JADE2: variants seen among roughly 807,000 people sequenced by gnomAD.
The protein encoded by JADE2 is E3 ubiquitin-protein ligase Jade-2.
In JADE2, 13 loss-of-function variants were observed where a neutral mutation model predicts 85.7. The ratio of observed to expected loss-of-function variants is 0.15; its 90% confidence interval spans 0.10 to 0.24. The LOEUF (loss-of-function observed/expected upper bound fraction) is 0.24, where lower values mean the gene tolerates loss of function less well. Among genes scored for constraint, JADE2 ranks in the 10% least tolerant of loss-of-function variants. The probability of loss-of-function intolerance (pLI) is 1.00; values close to 1 mark genes in which losing one functional copy is unlikely to be tolerated. For missense variants in JADE2, 846 were observed against 1,115.9 expected (o/e 0.76, Z 3.45); for synonymous variants, 440 against 456.1 (o/e 0.96, Z 0.45).
intron 8 of JADE2, among the ~76,000 whole-genome samples, chr5:134,565,748 G>A (rs1443285290): frequency 6.6e-6 from 1 of 151,280 alleles, no homozygotes; most frequent in East Asian, 1.9e-4. Flanking sequence ...CAGGAGAATC[G>A]CTTGAACCTG....
At chr5:134,534,139 G>A (rs1164412450) in intron 1 of JADE2, among the ~76,000 whole-genome samples, 1 of 152,138 alleles carries the variant, frequency 6.6e-6, no homozygotes, top group Non-Finnish European at 1.5e-5. Flanking sequence ...CAAGAGCACG[G>A]TCTCCTGAAT....
chr5:134,524,629 C>G (rs1044637971), upstream of JADE2, among the ~76,000 whole-genome samples: 3 of 152,196 alleles, frequency 2.0e-5, no homozygotes, highest in Admixed American at 2.0e-4. Context: ...TGTGCAACCA[C>G]CCACCCACCC....
At chr5:134,569,317 G>A (rs576417703) in intron 9 of JADE2, among the ~76,000 whole-genome samples, 1 of 152,208 alleles carries the variant, frequency 6.6e-6, no homozygotes, top group Non-Finnish European at 1.5e-5. Flanking sequence ...CTCCCAGATT[G>A]ATTCGTTCCT....
chr5:134,550,952 C>T (rs190000488), intron 3 of JADE2, among the ~76,000 whole-genome samples: 140 of 152,290 alleles, frequency 9.2e-4, no homozygotes, highest in Admixed American at 2.4e-3. Flanking sequence ...CCCCAACACA[C>T]ACAAAGCCGG....
chr5:134,553,644 G>A (rs1040400345), intron 4 of JADE2, among the ~76,000 whole-genome samples: 10 of 152,330 alleles, frequency 6.6e-5, no homozygotes, highest in African/African-American at 2.4e-4. Flanking sequence ...GAGCCACTGC[G>A]CCCGGCCGTA....
chr5:134,570,856 C>T (rs920404459), intron 9 of JADE2, among the ~76,000 whole-genome samples: 4 of 152,222 alleles, frequency 2.6e-5, no homozygotes, highest in African/African-American at 9.6e-5. Context: ...ACAGTTTTGC[C>T]CCACGTGGGG....
chr5:134,575,253 C>T (rs1282088156), intron 10 of JADE2: 3 of 152,346 alleles, frequency 2.0e-5, no homozygotes, highest in African/African-American at 7.2e-5. Context: ...AGGCTTGACG[C>T]CTGGGGTGGG....
chr5:134,551,849 A>C (rs183494515), intron 3 of JADE2, among the ~76,000 whole-genome samples: 1 of 152,348 alleles, frequency 6.6e-6, no homozygotes, highest in East Asian at 1.9e-4. Flanking sequence ...AATCACATTT[A>C]TGGAACGTCT....
chr5:134,529,885 G>C (rs944249664), intron 1 of JADE2, among the ~76,000 whole-genome samples: 1 of 152,240 alleles, frequency 6.6e-6, no homozygotes, highest in Non-Finnish European at 1.5e-5. Flanking sequence ...CCCTTGGTAC[G>C]TCCCCAGAAC....
At chr5:134,528,127 C>A (rs1428371793) in intron 1 of JADE2, among the ~76,000 whole-genome samples, 1 of 152,114 alleles carries the variant, frequency 6.6e-6, no homozygotes, top group Non-Finnish European at 1.5e-5. Context: ...GCTGTCAGGA[C>A]GCCCCCTTAG....
intron 1 of JADE2, among the ~76,000 whole-genome samples, chr5:134,530,872 G>A (rs1231543352): frequency 6.6e-6 from 1 of 152,168 alleles, no homozygotes; most frequent in African/African-American, 2.4e-5. Context: ...CAGGCCAGCT[G>A]GACTGTGTGG....
rs750947390 is a variant in JADE2 at position 134,535,901 on chromosome 5, C to G, written c.44C>G (p.Ser15Cys). Residue 15 changes from serine to cysteine, a missense_variant, in exon 2 of 12, where the codon TCT becomes TGT. This residue lies in a region of JADE2 where 47 missense variants were observed against 42.2 expected (regional missense o/e 1.11). Coordinates refer to ENST00000681547, the MANE Select transcript of JADE2 (RefSeq NM_001388185.1). Reference sequence around the variant, plus strand: ...AAATACTCCATCAGCAGTGACAACTCTGACACCACTGACAGTAAGGCCTTC... The same window carrying G: ...AAATACTCCATCAGCAGTGACAACTGTGACACCACTGACAGTAAGGCCTTC... ...RRKYSISSDN[S>C]DTTDSHATST... is the part of the protein sequence containing the mutation. The G allele has an allele frequency of 3.1e-6, 5 of 1,613,910 alleles. No individual in the cohort carries two copies. The highest frequency in any genetic ancestry group is 1.1e-5 in the South Asian group (1 of 91,068).
At chr5:134,553,446 C>T (rs905872240) in intron 4 of JADE2, among the ~76,000 whole-genome samples, 1 of 151,352 alleles carries the variant, frequency 6.6e-6, no homozygotes, top group African/African-American at 2.4e-5. Context: ...CTCCGCCTCC[C>T]GGGTTCATGC....
chr5:134,550,466 C>T (rs1029667306), intron 3 of JADE2, among the ~76,000 whole-genome samples: 2 of 152,158 alleles, frequency 1.3e-5, no homozygotes, highest in African/African-American at 4.8e-5. Flanking sequence ...GACTTAGCAC[C>T]GGGCACAGCG....
At position 134,578,530 on chromosome 5, in the gene JADE2, T is replaced by C; in HGVS notation, c.1718T>C (p.Phe573Ser). 6.2e-7 allele frequency: 1 copy of C among 1,601,116 alleles called. No homozygotes were observed. Among genetic ancestry groups the C allele is most frequent in the Non-Finnish European group, 8.5e-7 (1 of 1,170,202 alleles). Reference sequence around the variant, plus strand: ...ACCTCATTCCCCATCGATGGCACCTTCTTCAACAGCTGGCTGGCACAGTCG... The same window carrying C: ...ACCTCATTCCCCATCGATGGCACCTCCTTCAACAGCTGGCTGGCACAGTCG... ...LSTSFPIDGT[F>S]FNSWLAQSVQ... is the part of the protein sequence containing the mutation. The change falls in exon 12 of 12, where the codon TTC becomes TCC. Residue 573 changes from phenylalanine to serine, a missense_variant. Transcript: ENST00000681547. The surrounding 1 kb of genome is among the most constrained non-coding windows in gnomAD (Gnocchi z 4.4).
In JADE2 at chr5:134,537,978, T is replaced by C; in HGVS notation, c.59-11T>C. The C allele has an allele frequency of 6.2e-7, 1 of 1,611,556 alleles. No individual in the cohort carries two copies. The highest frequency in any genetic ancestry group is 8.5e-7 in the Non-Finnish European group (1 of 1,177,798). On this transcript the variant is annotated splice_polypyrimidine_tract_variant and intron_variant, in intron 2 of 11. Coordinates refer to ENST00000681547, the MANE Select transcript of JADE2 (RefSeq NM_001388185.1). ...CTCCAGGACCCCTAATGGACTGTTC[T>C]CTCTCTGCAGGTCATGCGACATCTA...
intron 9 of JADE2, among the ~76,000 whole-genome samples, chr5:134,573,309 G>C (rs951203006): frequency 2.6e-5 from 4 of 152,210 alleles, no homozygotes; most frequent in African/African-American, 9.7e-5. Context: ...TTGGGAGGCA[G>C]CCTGGCTGAC....
chr5:134,532,981 C>A, intron 1 of JADE2, among the ~76,000 whole-genome samples: 1 of 152,188 alleles, frequency 6.6e-6, no homozygotes, highest in Middle Eastern at 3.2e-3. Context: ...TAATAATAGC[C>A]TCCCATGGGA....
intron 9 of JADE2, among the ~76,000 whole-genome samples, chr5:134,570,695 GT>G (rs1463894351): frequency 6.6e-6 from 1 of 152,138 alleles, no homozygotes; most frequent in Non-Finnish European, 1.5e-5. Flanking sequence ...TCCTTTTTCT[GT>G]GATGCTCTGA....
Sources: allele counts gnomAD v4.1 joint callset (sites outside exome capture counted in the v4.1 genomes callset), GRCh38; gene constraint gnomAD v4.1.1; regional missense constraint gnomAD v4.1.1; non-coding constraint Gnocchi (gnomAD v3.1); transcripts MANE v1.5; gene names NCBI Gene and HGNC (gene_info 2026-07-23, HGNC 2026-07-21).